CLEC4D: variants seen among roughly 807,000 people sequenced by gnomAD.
CLEC4D encodes the protein C-type (calcium dependent, carbohydrate-recognition domain) lectin, superfamily member 8.
A neutral mutation model predicts 21.1 loss-of-function variants in CLEC4D; 21 were observed. That is an observed-to-expected ratio of 1.00 (90% CI 0.71 to 1.43). The LOEUF is 1.43. Among genes scored for constraint, CLEC4D ranks in the 40% most tolerant of loss-of-function variants. CLEC4D has a pLI of 0.00. For synonymous variants in CLEC4D, 85 were observed against 83.1 expected, an observed-to-expected ratio of 1.02 and a Z score of -0.12; for missense variants, 289 against 260.7, an observed-to-expected ratio of 1.11 and a Z score of -0.75.
In CLEC4D at chr12:8,517,838, C is replaced by G. The variant is rs1052925311; in HGVS notation, c.122-326C>G. On this transcript the variant is annotated intron_variant, in intron 2 of 5. Coordinates refer to ENST00000299665, the MANE Select transcript of CLEC4D (RefSeq NM_080387.5). ...GCGGGCGCCTGTAGTCCCAGCTACT[C>G]GGGAGGCTGAGGCAGGAGAATGATG... 5.9e-5 allele frequency among the ~76,000 whole-genome samples: 9 copies of G among 151,910 alleles called. No individual in the cohort carries two copies. The East Asian group carries it at 1.8e-3, about 30-fold the overall frequency.
chr12:8,521,265 G>T lies in CLEC4D; in HGVS notation c.642G>T (p.Leu214Phe). ...TTTGTAAAATACCTGGAACAACATT[G>T]AACTAGAAACTCAGAAAGTGGTCCT... is the stretch of plus-strand genomic sequence containing the variant. The part of the protein sequence containing the change: ...SRICKIPGTT[L>F]N The change falls in exon 6 of 6, where the codon TTG becomes TTT. Residue 214 changes from leucine to phenylalanine, a missense_variant. Physicochemically the swap from Leu to Phe is conservative, Grantham distance 22 (BLOSUM62 0). Coordinates refer to ENST00000299665, the MANE Select transcript of CLEC4D (RefSeq NM_080387.5). The T allele has an allele frequency of 1.2e-6, 2 of 1,606,776 alleles. No homozygotes were observed. Among genetic ancestry groups the T allele is most frequent in the South Asian group, 2.2e-5 (2 of 89,910 alleles).
the CLEC4D span, among the ~76,000 whole-genome samples, chr12:8,527,553 G>A: frequency 1.3e-5 from 2 of 152,202 alleles, no homozygotes; most frequent in Non-Finnish European, 2.9e-5. Flanking sequence ...GCTCCGCAGG[G>A]GAAAAGCACA....
In CLEC4D at chr12:8,519,175, T is replaced by C. The variant is rs1475564778; in HGVS notation, c.384+15T>C. 1 of 1,608,650 alleles carries C rather than the reference T, an allele frequency of 6.2e-7. No individual in the cohort carries two copies. On this transcript the variant is annotated intron_variant, in intron 4 of 5. Coordinates refer to ENST00000299665, the MANE Select transcript of CLEC4D (RefSeq NM_080387.5). Reference sequence around the variant, plus strand: ...AAGCTGAGCAGGTGTGTTGGGAGGATCACATCAGTTTCTCTGCTGCTTTGA... The same window carrying C: ...AAGCTGAGCAGGTGTGTTGGGAGGACCACATCAGTTTCTCTGCTGCTTTGA...
Position 8,521,132 on chromosome 12 carries a change from A to G in CLEC4D, c.509A>G (p.His170Arg), listed in dbSNP as rs775811730. 4.3e-6 allele frequency: 7 copies of G among 1,612,480 alleles called. No individual in the cohort carries two copies. In the East Asian group the frequency reaches 1.1e-4, roughly 26 times the overall value. The change falls in exon 6 of 6, where the codon CAT becomes CGT. Residue 170 changes from histidine to arginine, a missense_variant. Transcript: ENST00000299665. ...TPFNPRRVFW[H>R]KNEPDNSQGE... is the part of the protein sequence containing the mutation. Reference sequence around the variant, plus strand: ...TGTTGTTGTTCTTTCAGATTCTGGCATAAGAATGAACCCGACAACTCTCAG... The same window carrying G: ...TGTTGTTGTTCTTTCAGATTCTGGCGTAAGAATGAACCCGACAACTCTCAG...
chr12:8,527,335 C>G (rs1591722271), downstream of CLEC4D, among the ~76,000 whole-genome samples: 1 of 152,248 alleles, frequency 6.6e-6, no homozygotes, highest in Non-Finnish European at 1.5e-5. Context: ...GTAGCCACCC[C>G]TCTCCCTAGG....
chr12:8,529,419 A>C, the CLEC4D span, among the ~76,000 whole-genome samples: 4 of 152,240 alleles, frequency 2.6e-5, no homozygotes, highest in Non-Finnish European at 5.9e-5. Context: ...GTTTGAGACC[A>C]GCCTGGGCAA....
chr12:8,522,109 G>A lies in CLEC4D; in HGVS notation c.*838G>A, dbSNP rs1255287429. 1 of 152,086 alleles carries A rather than the reference G, an allele frequency of 6.6e-6. No individual in the cohort carries two copies. Among genetic ancestry groups the A allele is most frequent in the East Asian group, 1.9e-4 (1 of 5,202 alleles). 9.4% of individuals were successfully genotyped at this position (152,086 alleles called of 1,614,324 possible). Reference sequence around the variant, plus strand: ...TACTCGACCTCATTACTTAGCTAACGACTGGATAAAATTTCTTAATTGTTT... The same window carrying A: ...TACTCGACCTCATTACTTAGCTAACAACTGGATAAAATTTCTTAATTGTTT... On this transcript the variant is annotated 3_prime_UTR_variant, in exon 6 of 6. Coordinates refer to ENST00000299665, the MANE Select transcript of CLEC4D (RefSeq NM_080387.5).
chr12:8,518,354 G>C, intron 3 of CLEC4D, 80 bp downstream of exon 3: 1 of 696,594 alleles, frequency 1.4e-6, no homozygotes, highest in Non-Finnish European at 2.6e-6. Flanking sequence ...TGTCAGTAGT[G>C]AACCAGGAAA....
At chr12:8,524,154 GT>G (rs910177426), downstream of CLEC4D, among the ~76,000 whole-genome samples, 54 of 148,516 alleles carry the variant, frequency 3.6e-4, no homozygotes, top group African/African-American at 6.1e-4. Context: ...TTGGCCTGAA[GT>G]TTTTTTTTTG....
chr12:8,519,836 A>T (rs1940434681), intron 4 of CLEC4D, among the ~76,000 whole-genome samples: 1 of 152,222 alleles, frequency 6.6e-6, no homozygotes, highest in Non-Finnish European at 1.5e-5. Flanking sequence ...TTTTGTCTCC[A>T]TAGGTTTACA....
At chr12:8,520,972 G>A in intron 5 of CLEC4D, 152 bp from the exon 6 acceptor site, 1 of 943,948 alleles carries the variant, frequency 1.1e-6, no homozygotes, top group Non-Finnish European at 1.4e-6. Flanking sequence ...AGCTACATGT[G>A]TCTAGTGAGT....
chr12:8,521,399 C>G lies in CLEC4D; in HGVS notation c.*128C>G. 1 of 1,437,078 alleles carries G rather than the reference C, an allele frequency of 7.0e-7. No individual in the cohort carries two copies. 89.0% of individuals were successfully genotyped at this position (1,437,078 alleles called of 1,614,324 possible). ...ATACAGCGTTTTTAGTCATAATGGT[C>G]TTTTTTATTTTGTTTGATTCATTCG... On this transcript the variant is annotated 3_prime_UTR_variant, in exon 6 of 6. Transcript: ENST00000299665.
chr12:8,518,979 T>C lies in CLEC4D; in HGVS notation c.233-30T>C. 3.1e-6 allele frequency: 5 copies of C among 1,607,746 alleles called. No homozygotes were observed. The South Asian group carries it at 4.4e-5, about 14-fold the overall frequency. ...TGTTACAGATGAAATGCTCTTTTGT[T>C]ACCAATTTCCGTTTTAATTTTCACT... On this transcript the variant is annotated intron_variant, in intron 3 of 5. Transcript: ENST00000299665.
At chr12:8,528,059 C>T in the CLEC4D span, among the ~76,000 whole-genome samples, 1 of 152,052 alleles carries the variant, frequency 6.6e-6, no homozygotes, top group African/African-American at 2.4e-5. Context: ...ATCTTGGTTG[C>T]GGGTGAAGGA....
intron 2 of CLEC4D, among the ~76,000 whole-genome samples, chr12:8,517,947 G>A (rs145431659): frequency 0.014 from 2,049 of 149,796 alleles, 46 homozygotes; most frequent in African/African-American, 0.046. Context: ...CTCCGTCTCA[G>A]AAAAAAAAAG....
At position 8,513,777 on chromosome 12, in the gene CLEC4D, C is replaced by T. The variant is rs1409895077; in HGVS notation, c.28+17C>T. Reference sequence around the variant, plus strand: ...AAAGTAAACGTGAGTACTTTCTCTCCTTTCCATTTCAAAGAAGCAGATGGA... The same window carrying T: ...AAAGTAAACGTGAGTACTTTCTCTCTTTTCCATTTCAAAGAAGCAGATGGA... On this transcript the variant is annotated intron_variant, in intron 1 of 5. Transcript: ENST00000299665. 1.2e-5 allele frequency: 12 copies of T among 1,004,770 alleles called. No homozygotes were observed. The highest frequency in any genetic ancestry group is 1.8e-5 in the Non-Finnish European group (11 of 625,884). 62.2% of individuals were successfully genotyped at this position (1,004,770 alleles called of 1,614,324 possible). A position where few individuals can be genotyped will look rare whatever the true frequency, so the allele number is the denominator to read the frequency against.
chr12:8,526,349 A>T (rs1238245476), downstream of CLEC4D, among the ~76,000 whole-genome samples: 2 of 151,940 alleles, frequency 1.3e-5, no homozygotes, highest in Non-Finnish European at 2.9e-5. Flanking sequence ...TGGTTTTTTT[A>T]TGAAGTCCCA....
Position 8,519,126 on chromosome 12 carries a change from C to T in CLEC4D, c.350C>T (p.Ala117Val), listed in dbSNP as rs1343268520. Residue 117 changes from alanine to valine, a missense_variant, in exon 4 of 6, where the codon GCC (alanine) becomes GTC (valine). By Grantham distance (64) the Ala-to-Val change is moderately conservative. Coordinates refer to ENST00000299665, the MANE Select transcript of CLEC4D (RefSeq NM_080387.5). ...ESERNCSGMG[A>V]HLMTISTEAE... ...GAAAGGAACTGTTCAGGGATGGGGG[C>T]CCATCTGATGACCATCAGCACGGAA... The T allele has an allele frequency of 1.9e-6, 3 of 1,613,820 alleles. No homozygotes were observed. Among genetic ancestry groups the T allele is most frequent in the South Asian group, 1.1e-5 (1 of 91,052 alleles).
the CLEC4D span, among the ~76,000 whole-genome samples, chr12:8,529,956 C>T: frequency 6.6e-6 from 1 of 152,132 alleles, no homozygotes; most frequent in African/African-American, 2.4e-5. Flanking sequence ...ACGATTGCCA[C>T]TTAGGTGTGG....
Sources: allele counts gnomAD v4.1 joint callset (sites outside exome capture counted in the v4.1 genomes callset), GRCh38; gene constraint gnomAD v4.1.1; transcripts MANE v1.5; gene names NCBI Gene and HGNC (gene_info 2026-07-23, HGNC 2026-07-21).